GALNT17: variants seen among roughly 807,000 people sequenced by gnomAD.
GALNT17 encodes the protein polypeptide N-acetylgalactosaminyltransferase 17, also known as UDP-GalNAc:polypeptide N-acetylgalactosaminyltransferase-like 3.
GALNT17 carries 29 observed loss-of-function variants against 63.7 expected under a neutral mutation model. The ratio of observed to expected loss-of-function variants is 0.46; its 90% CI spans 0.34 to 0.62. GALNT17 has a LOEUF of 0.62. Ranked by LOEUF, GALNT17 falls within the 20% of genes least tolerant of loss-of-function variation. The pLI, the probability that GALNT17 is intolerant of heterozygous loss-of-function variation, is 0.01. For missense variants in GALNT17, 603 were observed against 799.6 expected (o/e 0.75, Z 2.97); for synonymous variants, 305 against 318.3 (o/e 0.96, Z 0.45).
intron 1 of GALNT17, among the ~76,000 whole-genome samples, chr7:71,256,309 C>T (rs1056595974): frequency 8.5e-5 from 13 of 152,356 alleles, no homozygotes; most frequent in African/African-American, 3.1e-4. Flanking sequence ...TGGTGGCTCA[C>T]ACCTGTCATC....
At chr7:71,623,676 T>C (rs1371584110) in intron 6 of GALNT17, among the ~76,000 whole-genome samples, 4 of 152,146 alleles carry the variant, frequency 2.6e-5, no homozygotes, top group African/African-American at 7.2e-5. Flanking sequence ...CCTCAAGTGA[T>C]CCACCTGCCT....
chr7:71,294,745 G>C (rs182393501), intron 1 of GALNT17, among the ~76,000 whole-genome samples: 4 of 152,028 alleles, frequency 2.6e-5, no homozygotes, highest in Non-Finnish European at 5.9e-5. Flanking sequence ...GCTTTATACA[G>C]ACATCTATTA....
At chr7:71,711,106 T>C (rs1584154155) in intron 10 of GALNT17, among the ~76,000 whole-genome samples, 178 bp downstream of exon 10, 1 of 152,246 alleles carries the variant, frequency 6.6e-6, no homozygotes, top group East Asian at 1.9e-4. Flanking sequence ...GTGGAGTTTC[T>C]GCATGGAGTA....
chr7:71,647,546 C>T (rs1282927560), intron 6 of GALNT17, among the ~76,000 whole-genome samples: 2 of 152,188 alleles, frequency 1.3e-5, no homozygotes, highest in East Asian at 3.9e-4. Context: ...TGGCACTGAG[C>T]AGGCAGGCTT....
intron 9 of GALNT17, among the ~76,000 whole-genome samples, chr7:71,701,166 A>C (rs1791625364): frequency 1.3e-5 from 2 of 152,154 alleles, no homozygotes; most frequent in Admixed American, 6.6e-5. Flanking sequence ...ATTTTAAATA[A>C]GATGATCAAG....
intron 6 of GALNT17, among the ~76,000 whole-genome samples, chr7:71,625,620 C>G (rs190964893): frequency 2.3e-4 from 35 of 152,154 alleles, no homozygotes; most frequent in Admixed American, 2.0e-3. Flanking sequence ...CTCGGGAACC[C>G]TGGGTTTGAG....
rs557052289 is a variant in GALNT17, at chr7:71,142,595, A to G, written c.238+9555A>G. On this transcript the variant is annotated intron_variant, in intron 1 of 10. Coordinates refer to ENST00000333538, the MANE Select transcript of GALNT17 (RefSeq NM_022479.3). ...ATCATGCTTACTTAGGCATTGTGGAATAGTGGGAAGATATCTTTGTGGCTT... is the reference window on the plus strand; with the variant it reads ...ATCATGCTTACTTAGGCATTGTGGAGTAGTGGGAAGATATCTTTGTGGCTT... Among the ~76,000 whole-genome samples, 13 of 152,334 alleles carry G rather than the reference A, an allele frequency of 8.5e-5. No homozygotes were observed. In the East Asian group the frequency reaches 2.3e-3, roughly 27 times the overall value.
intron 3 of GALNT17, among the ~76,000 whole-genome samples, chr7:71,401,377 G>A (rs2960882): frequency 0.012 from 1,856 of 152,184 alleles, 46 homozygotes; most frequent in African/African-American, 0.043. Flanking sequence ...GATTACAGGC[G>A]TGAGCCACCA....
chr7:71,686,792 G>A (rs531392435), intron 9 of GALNT17, among the ~76,000 whole-genome samples: 10 of 152,062 alleles, frequency 6.6e-5, no homozygotes, highest in South Asian at 2.1e-4. Flanking sequence ...AACCTAACAC[G>A]TTCCTGCAAA....
intron 9 of GALNT17, among the ~76,000 whole-genome samples, chr7:71,707,555 A>G (rs1791738638): frequency 6.6e-6 from 1 of 152,142 alleles, no homozygotes; most frequent in Non-Finnish European, 1.5e-5. Context: ...TGCATTTTTT[A>G]TTGCTCACGA....
Position 71,694,083 on chromosome 7 carries a change from G to A in GALNT17, c.1501-16678G>A, listed in dbSNP as rs554892795. Among the ~76,000 whole-genome samples, 10 of 152,262 alleles carry A rather than the reference G, an allele frequency of 6.6e-5. No homozygotes were observed. In the South Asian group the frequency reaches 1.2e-3, roughly 19 times the overall value. ...GGAGGCCTCACAATCACGGTGGAAG[G>A]TGAAAGTGATGTCTTCCCTGGTGGC... On this transcript the variant is annotated intron_variant, in intron 9 of 10. Transcript: ENST00000333538.
At chr7:71,446,980 T>C (rs557274149) in intron 5 of GALNT17, among the ~76,000 whole-genome samples, 9 of 152,336 alleles carry the variant, frequency 5.9e-5, no homozygotes, top group Non-Finnish European at 2.9e-5. Flanking sequence ...TTAACTGTTA[T>C]TCACTCACCC....
chr7:71,199,562 CCAT>C (rs1789124273), intron 1 of GALNT17, among the ~76,000 whole-genome samples: 1 of 149,980 alleles, frequency 6.7e-6, no homozygotes, highest in East Asian at 2.0e-4. Flanking sequence ...ATCCATCCAT[CCAT>C]CCTGCCTACC....
At chr7:71,688,750 A>G (rs1257630613) in intron 9 of GALNT17, among the ~76,000 whole-genome samples, 1 of 152,156 alleles carries the variant, frequency 6.6e-6, no homozygotes, top group East Asian at 1.9e-4. Flanking sequence ...ACAACTCTAT[A>G]TCTGTTCCTG....
At chr7:71,307,072 C>T (rs1443300113) in intron 1 of GALNT17, among the ~76,000 whole-genome samples, 1 of 152,120 alleles carries the variant, frequency 6.6e-6, no homozygotes, top group Admixed American at 6.5e-5. Flanking sequence ...GATCTGCCCA[C>T]CTTGGCCTCC....
intron 6 of GALNT17, among the ~76,000 whole-genome samples, chr7:71,625,281 A>C (rs1301118965): frequency 6.6e-6 from 1 of 152,124 alleles, no homozygotes; most frequent in Non-Finnish European, 1.5e-5. Context: ...AGTAGCTGGA[A>C]TTACAGATGT....
intron 5 of GALNT17, among the ~76,000 whole-genome samples, chr7:71,482,416 C>T (rs1787836944): frequency 6.6e-6 from 1 of 152,150 alleles, no homozygotes; most frequent in African/African-American, 2.4e-5. Context: ...TCACAAAGTA[C>T]TGGGATTACA....
intron 3 of GALNT17, among the ~76,000 whole-genome samples, chr7:71,395,635 T>A (rs969998280): frequency 6.6e-6 from 1 of 152,252 alleles, no homozygotes; most frequent in African/African-American, 2.4e-5. Context: ...GTGATAATTC[T>A]GTGGTTAACT....
chr7:71,696,740 A>G (rs1791551870), intron 9 of GALNT17, among the ~76,000 whole-genome samples: 2 of 152,264 alleles, frequency 1.3e-5, no homozygotes, highest in Admixed American at 6.5e-5. Flanking sequence ...TTCCCAATGC[A>G]TTAGGGTGTG....
Sources: gnomAD v4.1 joint callset for allele counts (sites outside exome capture counted in the v4.1 genomes callset) on GRCh38, gnomAD v4.1.1 for gene constraint, MANE v1.5 for transcripts, NCBI Gene and HGNC (gene_info 2026-07-23, HGNC 2026-07-21) for gene names.